TMTC1: variants seen among roughly 807,000 people sequenced by gnomAD.
The protein encoded by TMTC1 is transmembrane O-mannosyltransferase targeting cadherins 1, also known as protein O-mannosyl-transferase TMTC1.
A neutral mutation model predicts 104.8 loss-of-function variants in TMTC1; 73 were observed. The observed-to-expected ratio is 0.70, with a 90% CI of 0.58 to 0.85. The LOEUF (loss-of-function observed/expected upper bound fraction) is 0.85, where lower values mean the gene tolerates loss of function less well. Among genes scored for constraint, TMTC1 ranks in the 40% least tolerant of loss-of-function variants. The pLI is 0.00. For synonymous variants in TMTC1, 434 were observed against 428.7 expected (o/e 1.01, Z -0.15); for missense variants, 1,035 against 1,096.1 (o/e 0.94, Z 0.79).
At chr12:29,595,741 A>T (rs892696321) in intron 7 of TMTC1, among the ~76,000 whole-genome samples, 5 of 152,250 alleles carry the variant, frequency 3.3e-5, no homozygotes, top group Admixed American at 6.5e-5. Flanking sequence ...ATTCTGAAGT[A>T]GAACTTTAAT....
rs1314343772 is a variant in TMTC1, at chr12:29,516,415, C to G, written c.2241G>C (p.Glu747Asp). Residue 747 changes from glutamate to aspartate, a missense_variant, in exon 15 of 18, where the codon GAG (glutamate) becomes GAC (aspartate). Glu to Asp is a conservative substitution (Grantham distance 45, BLOSUM62 2). Coordinates refer to ENST00000539277, the MANE Select transcript of TMTC1 (RefSeq NM_001193451.2). ...EKMTNHIVSE[E>D]TGCLECYRLL... is the part of the protein sequence containing the mutation. ...GGCGATAGCATTCAAGGCATCCGGT[C>G]TCCTCTGACACAATGTGATTGGTCA... 2 of 1,614,044 alleles carry G rather than the reference C, an allele frequency of 1.2e-6. No individual in the cohort carries two copies. The highest frequency in any genetic ancestry group is 1.7e-6 in the Non-Finnish European group (2 of 1,179,978).
intron 6 of TMTC1, among the ~76,000 whole-genome samples, chr12:29,624,116 A>G (rs971569161): frequency 6.6e-6 from 1 of 151,966 alleles, no homozygotes; most frequent in African/African-American, 2.4e-5. Context: ...AGTATCTGGG[A>G]TTACATGCAC....
In TMTC1 at chr12:29,518,519, G is replaced by C; in HGVS notation, c.1977C>G (p.Leu659=). ...HHVAMVNLGR[L]YRSLGENSMA... is the part of the protein sequence containing the mutation. ...TGCTGTTCTCTCCCAGTGACCTGTAGAGTCTTCCCAAGTTCACCATGGCCA... is the reference window on the plus strand; with the variant it reads ...TGCTGTTCTCTCCCAGTGACCTGTACAGTCTTCCCAAGTTCACCATGGCCA... The change falls in exon 13 of 18, where the codon CTC becomes CTG. Residue 659 remains leucine (L), a synonymous_variant. Coordinates refer to ENST00000539277, the MANE Select transcript of TMTC1 (RefSeq NM_001193451.2). 2 of 1,614,116 alleles carry C rather than the reference G, an allele frequency of 1.2e-6. No homozygotes were observed. The highest frequency in any genetic ancestry group is 1.7e-6 in the Non-Finnish European group (2 of 1,179,998).
At chr12:29,522,033 A>G (rs1167938639) in intron 11 of TMTC1, among the ~76,000 whole-genome samples, 1 of 152,214 alleles carries the variant, frequency 6.6e-6, no homozygotes, top group African/African-American at 2.4e-5. Flanking sequence ...TGGTCATGTA[A>G]AATAAGATGA....
chr12:29,633,319 T>G lies in TMTC1; in HGVS notation c.956A>C (p.Tyr319Ser). 1 of 1,610,854 alleles carries G rather than the reference T, an allele frequency of 6.2e-7. No individual in the cohort carries two copies. Among genetic ancestry groups the G allele is most frequent in the Non-Finnish European group, 8.5e-7 (1 of 1,178,090 alleles). ...WSMMRFLTYS[Y>S]LLAFNVWLLL... ...AAGCCACACATTGAAGGCCAAGAGGTAGGAATAGGTGAGGAATCTATAAAG... is the reference window on the plus strand; with the variant it reads ...AAGCCACACATTGAAGGCCAAGAGGGAGGAATAGGTGAGGAATCTATAAAG... Residue 319 changes from tyrosine (Y) to serine (S), a missense_variant, in exon 6 of 18, where the codon TAC becomes TCC. Physicochemically the swap from Tyr to Ser is moderately radical, Grantham distance 144 (BLOSUM62 -2). Coordinates refer to ENST00000539277, the MANE Select transcript of TMTC1 (RefSeq NM_001193451.2).
chr12:29,620,166 C>A (rs1042506361), intron 6 of TMTC1, among the ~76,000 whole-genome samples: 1 of 152,216 alleles, frequency 6.6e-6, no homozygotes, highest in Non-Finnish European at 1.5e-5. Context: ...TGGAACAACA[C>A]AGGGCTCCTC....
In TMTC1 at chr12:29,564,786, C is replaced by T. The variant is rs542096673; in HGVS notation, c.1532+7319G>A. Among the ~76,000 whole-genome samples the T allele has an allele frequency of 3.3e-5, 5 of 152,076 alleles. No homozygotes were observed. In the South Asian group the frequency reaches 6.2e-4, roughly 19 times the overall value. Reference sequence around the variant, plus strand: ...GGAAAACAAGAGATACAGACAGGCTCGGTTGTTTGTTTGTTTGTTTGATGG... The same window carrying T: ...GGAAAACAAGAGATACAGACAGGCTTGGTTGTTTGTTTGTTTGTTTGATGG... On this transcript the variant is annotated intron_variant, in intron 9 of 17. Coordinates refer to ENST00000539277, the MANE Select transcript of TMTC1 (RefSeq NM_001193451.2).
chr12:29,508,574 C>T (rs1358773703), intron 17 of TMTC1, among the ~76,000 whole-genome samples: 1 of 152,078 alleles, frequency 6.6e-6, no homozygotes, highest in Non-Finnish European at 1.5e-5. Flanking sequence ...TTGCCCTTTT[C>T]TTCACTAAAC....
chr12:29,641,536 T>C (rs60580280), intron 5 of TMTC1, among the ~76,000 whole-genome samples: 8,590 of 152,126 alleles, frequency 0.056, 288 homozygotes, highest in African/African-American at 0.074. Flanking sequence ...CCATAGGAAA[T>C]GGGGGAGAGT....
chr12:29,682,086 A>G (rs990126864), intron 5 of TMTC1, among the ~76,000 whole-genome samples: 8 of 152,202 alleles, frequency 5.3e-5, no homozygotes, highest in Non-Finnish European at 1.2e-4. Context: ...CAACTAGAAA[A>G]TGGATAAAAG....
At chr12:29,643,604 T>TA (rs1939003332) in intron 5 of TMTC1, among the ~76,000 whole-genome samples, 7 of 39,594 alleles carry the variant, frequency 1.8e-4, no homozygotes, top group African/African-American at 8.9e-4. Context: ...ATATTATATA[T>TA]TATATATAAT....
At chr12:29,681,088 G>A in intron 5 of TMTC1, among the ~76,000 whole-genome samples, 2 of 111,498 alleles carry the variant, frequency 1.8e-5, no homozygotes, top group Non-Finnish European at 1.7e-5. Flanking sequence ...AACAGAGTAA[G>A]ACCCTGTCTC....
At chr12:29,577,936 TA>T (rs1172962246) in intron 8 of TMTC1, among the ~76,000 whole-genome samples, 1 of 152,126 alleles carries the variant, frequency 6.6e-6, no homozygotes, top group Non-Finnish European at 1.5e-5. Context: ...AAATTTCTAT[TA>T]AGGAAAATTT....
chr12:29,682,131 A>G (rs1940938832), intron 5 of TMTC1, among the ~76,000 whole-genome samples: 1 of 152,184 alleles, frequency 6.6e-6, no homozygotes, highest in East Asian at 1.9e-4. Context: ...AATATATACA[A>G]ATAGCCAATA....
At chr12:29,736,732 T>TA (rs1565803752) in intron 5 of TMTC1, among the ~76,000 whole-genome samples, 1 of 152,076 alleles carries the variant, frequency 6.6e-6, no homozygotes, top group African/African-American at 2.4e-5. Flanking sequence ...TTCTCTCTCT[T>TA]AAAAAACAAA....
At chr12:29,617,581 C>T (rs139215547) in intron 6 of TMTC1, among the ~76,000 whole-genome samples, 241 of 139,786 alleles carry the variant, frequency 1.7e-3, no homozygotes, top group African/African-American at 5.8e-3. Flanking sequence ...AAAAACCCTG[C>T]CTTTCCAGAG....
At chr12:29,512,855 CACAG>C (rs1943878340) in intron 16 of TMTC1, among the ~76,000 whole-genome samples, 1 of 152,136 alleles carries the variant, frequency 6.6e-6, no homozygotes, top group Non-Finnish European at 1.5e-5. Flanking sequence ...GAAATAAAGC[CACAG>C]GTTAAGGGTA....
chr12:29,649,565 T>C (rs1367999371), intron 5 of TMTC1, among the ~76,000 whole-genome samples: 2 of 152,244 alleles, frequency 1.3e-5, no homozygotes, highest in Non-Finnish European at 2.9e-5. Flanking sequence ...TGGAAATTAA[T>C]ATCAGAATCA....
chr12:29,780,534 T>C (rs1400515916), intron 1 of TMTC1, among the ~76,000 whole-genome samples: 1 of 152,186 alleles, frequency 6.6e-6, no homozygotes, highest in Non-Finnish European at 1.5e-5. Context: ...GTGTCCATGA[T>C]TGCAATAAAG....
Sources: allele counts gnomAD v4.1 joint callset (sites outside exome capture counted in the v4.1 genomes callset), GRCh38; gene constraint gnomAD v4.1.1; transcripts MANE v1.5; gene names NCBI Gene and HGNC (gene_info 2026-07-23, HGNC 2026-07-21).